EDA: variants seen among roughly 807,000 people sequenced by gnomAD.
EDA encodes the protein ectodysplasin A, also known as ectodysplasin-A.
A neutral mutation model predicts 23.6 loss-of-function variants in EDA; 2 were observed. The observed-to-expected ratio is 0.08, with a 90% confidence interval of 0.03 to 0.27. EDA has a LOEUF of 0.27. Among genes scored for constraint, EDA ranks in the 10% least tolerant of loss-of-function variants. EDA has a pLI of 1.00. For missense variants in EDA, 229 were observed against 324.2 expected (o/e 0.71, Z 2.26); for synonymous variants, 131 against 132.0 (o/e 0.99, Z 0.05).
intron 1 of EDA, among the ~76,000 whole-genome samples, chrX:69,955,120 G>A (rs2018980861): frequency 8.9e-6 from 1 of 111,975 alleles, no homozygotes; most frequent in Non-Finnish European, 1.9e-5. Flanking sequence ...ATTGTAAACA[G>A]CAGTTTAGTT....
At chrX:70,029,663 G>A in intron 5 of EDA, 125 bp downstream of exon 5, 6 of 736,797 alleles carry the variant, frequency 8.1e-6, no homozygotes, top group South Asian at 4.6e-5. Context: ...AGATTCTGAC[G>A]GTTTTCACTC....
intron 1 of EDA, among the ~76,000 whole-genome samples, chrX:69,780,842 G>A (rs1031343397): frequency 9.0e-6 from 1 of 110,808 alleles, no homozygotes; most frequent in Non-Finnish European, 1.9e-5. Context: ...AGAACTGTGA[G>A]TCAATTAAAC....
intron 1 of EDA, among the ~76,000 whole-genome samples, chrX:69,863,684 C>T (rs1476887785): frequency 1.9e-5 from 2 of 104,407 alleles, no homozygotes; most frequent in African/African-American, 7.0e-5. Flanking sequence ...TATGTATGTG[C>T]ATCTACAGGT....
intron 1 of EDA, among the ~76,000 whole-genome samples, chrX:69,755,786 G>A (rs767190460): frequency 1.4e-4 from 16 of 112,337 alleles, no homozygotes; most frequent in African/African-American, 4.2e-4. Flanking sequence ...CCCCAGCCTC[G>A]CTGCCACCTT....
At chrX:69,953,930 G>A (rs1179799800) in intron 1 of EDA, among the ~76,000 whole-genome samples, 1 of 111,826 alleles carries the variant, frequency 8.9e-6, no homozygotes, top group Non-Finnish European at 1.9e-5. Context: ...ATTTTAGGGG[G>A]TGATGGAAAT....
chrX:69,787,996 T>C (rs931788009), intron 1 of EDA, among the ~76,000 whole-genome samples: 2 of 111,591 alleles, frequency 1.8e-5, no homozygotes, highest in Non-Finnish European at 3.8e-5. Context: ...CATTTCTTTT[T>C]ATTCTTTTTT....
chrX:69,938,621 C>G (rs2018710939), intron 1 of EDA, among the ~76,000 whole-genome samples: 1 of 111,591 alleles, frequency 9.0e-6, no homozygotes, highest in African/African-American at 3.3e-5. Context: ...GATATGCTCC[C>G]ATTTGTCCAT....
chrX:70,003,184 AG>A (rs2019761526), intron 2 of EDA, among the ~76,000 whole-genome samples: 2 of 111,722 alleles, frequency 1.8e-5, no homozygotes, highest in Admixed American at 1.9e-4. Context: ...GATTCGCCCA[AG>A]GTCAGACAGC....
chrX:69,872,361 C>A (rs1256848593), intron 1 of EDA, among the ~76,000 whole-genome samples: 3 of 111,767 alleles, frequency 2.7e-5, no homozygotes, highest in Admixed American at 9.5e-5. Flanking sequence ...AGTATTCAAG[C>A]AACAAATAGC....
rs780924838 is a variant in EDA at position 70,029,644 on chromosome X, A to T, written c.741+106A>T. Reference sequence around the variant, plus strand: ...TTTCCTGAGGCTTTATTTCATGAGAACACCCCGGAGATTCTGACGGTTTTC... The same window carrying T: ...TTTCCTGAGGCTTTATTTCATGAGATCACCCCGGAGATTCTGACGGTTTTC... On this transcript the variant is annotated intron_variant, in intron 5 of 7. Coordinates refer to ENST00000374552, the MANE Select transcript of EDA (RefSeq NM_001399.5). The T allele has an allele frequency of 6.5e-5, 55 of 851,535 alleles. No homozygotes were observed. The African/African-American group carries it at 8.3e-4, about 13-fold the overall frequency. 70.2% of individuals were successfully genotyped at this position (851,535 alleles called of 1,213,427 possible).
At chrX:69,767,801 A>G (rs1315167425) in intron 1 of EDA, among the ~76,000 whole-genome samples, 1 of 111,953 alleles carries the variant, frequency 8.9e-6, no homozygotes, top group Non-Finnish European at 1.9e-5. Context: ...CAAATTTTGC[A>G]CTAGCACTAG....
chrX:69,790,262 C>T (rs979848536), intron 1 of EDA, among the ~76,000 whole-genome samples: 5 of 109,630 alleles, frequency 4.6e-5, no homozygotes, highest in Non-Finnish European at 7.6e-5. Context: ...ATGTGCACAA[C>T]GTGCAGGTTT....
intron 1 of EDA, among the ~76,000 whole-genome samples, chrX:69,778,822 C>A (rs773529934): frequency 9.0e-6 from 1 of 111,213 alleles, no homozygotes; most frequent in Non-Finnish European, 1.9e-5. Flanking sequence ...AAAAACACTT[C>A]CTGCAATTTT....
intron 1 of EDA, among the ~76,000 whole-genome samples, chrX:69,781,619 T>C (rs1435133709): frequency 9.0e-6 from 1 of 111,706 alleles, no homozygotes; most frequent in African/African-American, 3.2e-5. Flanking sequence ...ATGTTATATT[T>C]TGAATGTCTT....
chrX:69,735,649 TC>T, intron 1 of EDA, among the ~76,000 whole-genome samples: 1 of 111,357 alleles, frequency 9.0e-6, no homozygotes, highest in Admixed American at 9.5e-5. Flanking sequence ...AATTAGAAGA[TC>T]CCATTCTCTA....
intron 1 of EDA, among the ~76,000 whole-genome samples, chrX:69,746,119 T>G (rs2013612964): frequency 9.0e-6 from 1 of 111,455 alleles, no homozygotes; most frequent in African/African-American, 3.3e-5. Flanking sequence ...ATTCTCTCTT[T>G]TGTTCCCTCA....
At chrX:69,738,588 G>A (rs1350124323) in intron 1 of EDA, among the ~76,000 whole-genome samples, 1 of 107,160 alleles carries the variant, frequency 9.3e-6, no homozygotes, top group Non-Finnish European at 1.9e-5. Flanking sequence ...GAAAGTTATT[G>A]ACTTCAGATC....
At chrX:69,929,031 G>A (rs2018560636) in intron 1 of EDA, among the ~76,000 whole-genome samples, 1 of 111,813 alleles carries the variant, frequency 8.9e-6, no homozygotes, top group South Asian at 3.7e-4. Flanking sequence ...TGTTGTAACA[G>A]AATTTGACCT....
chrX:69,935,108 C>T (rs2018653255), intron 1 of EDA, among the ~76,000 whole-genome samples: 1 of 111,889 alleles, frequency 8.9e-6, no homozygotes, highest in Non-Finnish European at 1.9e-5. Context: ...CATGTTGTTG[C>T]AAATGACAGT....
Sources: allele counts gnomAD v4.1 joint callset (sites outside exome capture counted in the v4.1 genomes callset), GRCh38; gene constraint gnomAD v4.1.1; transcripts MANE v1.5; gene names NCBI Gene and HGNC (gene_info 2026-07-23, HGNC 2026-07-21).